SPECC1: variants seen among roughly 807,000 people sequenced by gnomAD.
SPECC1 encodes the protein cytospin-B.
In SPECC1, 62 loss-of-function variants were observed where a neutral mutation model predicts 104.1. The ratio of observed to expected loss-of-function variants is 0.60; its 90% CI spans 0.49 to 0.74. The LOEUF (loss-of-function observed/expected upper bound fraction) is 0.74. Among genes scored for constraint, SPECC1 ranks in the 30% least tolerant of loss-of-function variants. The probability of loss-of-function intolerance (pLI) is 0.00; values close to 1 mark genes in which losing one functional copy is unlikely to be tolerated. For synonymous variants in SPECC1, 513 were observed against 501.6 expected, an observed-to-expected ratio of 1.02 and a Z score of -0.30; for missense variants, 1,306 against 1,310.5, an observed-to-expected ratio of 1.00 and a Z score of 0.05.
At chr17:20,097,227 G>C (rs2047694306) in intron 2 of SPECC1, among the ~76,000 whole-genome samples, 1 of 152,106 alleles carries the variant, frequency 6.6e-6, no homozygotes, top group Non-Finnish European at 1.5e-5. Context: ...TTCTCCTCTG[G>C]TTTTCTCCTC....
intron 12 of SPECC1, among the ~76,000 whole-genome samples, chr17:20,273,123 A>G (rs918774080): frequency 2.0e-5 from 3 of 152,190 alleles, no homozygotes; most frequent in Non-Finnish European, 4.4e-5. Flanking sequence ...TTCTCCAGAG[A>G]AAGGCCTTCT....
chr17:20,111,707 G>A (rs776462543), intron 3 of SPECC1: 13 of 620,106 alleles, frequency 2.1e-5, no homozygotes, highest in African/African-American at 1.5e-4. Flanking sequence ...GGAAGGTGGC[G>A]AAAGGAGGCG....
At chr17:20,255,116 AT>A (rs2039777112) in intron 10 of SPECC1, among the ~76,000 whole-genome samples, 1 of 152,220 alleles carries the variant, frequency 6.6e-6, no homozygotes, top group African/African-American at 2.4e-5. Flanking sequence ...TGCTCGAGTA[AT>A]AGCTTTCTAA....
chr17:20,076,160 T>C (rs989654192), intron 1 of SPECC1, among the ~76,000 whole-genome samples: 1 of 152,206 alleles, frequency 6.6e-6, no homozygotes, highest in Admixed American at 6.5e-5. Context: ...CTAGATATTA[T>C]AGCATAAGGC....
intron 3 of SPECC1, among the ~76,000 whole-genome samples, chr17:20,184,181 CA>C (rs759475722): frequency 0.023 from 1,004 of 44,226 alleles, 5 homozygotes; most frequent in African/African-American, 0.051. Flanking sequence ...ACTCCTGTCT[CA>C]AAAAAAAAAA....
At chr17:20,063,268 TG>T (rs1394592511) in intron 1 of SPECC1, among the ~76,000 whole-genome samples, 1 of 152,214 alleles carries the variant, frequency 6.6e-6, no homozygotes, top group Non-Finnish European at 1.5e-5. Context: ...TCATATCCTT[TG>T]CCTTTTTTCT....
At chr17:20,260,599 G>A (rs1402277461) in intron 12 of SPECC1, among the ~76,000 whole-genome samples, 1 of 152,180 alleles carries the variant, frequency 6.6e-6, no homozygotes, top group Admixed American at 6.5e-5. Context: ...CTGGCCACAG[G>A]TTCTTGGGCT....
At chr17:20,202,240 G>A (rs958757001) in intron 3 of SPECC1, among the ~76,000 whole-genome samples, 1 of 152,098 alleles carries the variant, frequency 6.6e-6, no homozygotes, top group Non-Finnish European at 1.5e-5. Context: ...AGCATTGGGG[G>A]TAGCTGCTTG....
chr17:20,272,934 A>G (rs1249269493), intron 12 of SPECC1, among the ~76,000 whole-genome samples: 1 of 152,098 alleles, frequency 6.6e-6, no homozygotes, highest in Non-Finnish European at 1.5e-5. Context: ...TTCCATTGGT[A>G]TCTTTAGGTC....
chr17:20,271,335 C>A (rs1015361028), intron 12 of SPECC1, among the ~76,000 whole-genome samples: 8 of 151,680 alleles, frequency 5.3e-5, no homozygotes, highest in Non-Finnish European at 1.0e-4. Flanking sequence ...GGGTTTATTT[C>A]TTTTTCACTC....
At chr17:20,049,731 C>T (rs2045669167) in intron 1 of SPECC1, among the ~76,000 whole-genome samples, 1 of 152,086 alleles carries the variant, frequency 6.6e-6, no homozygotes, top group Admixed American at 6.6e-5. Flanking sequence ...ATATTATAGG[C>T]ATTCCCCATC....
At chr17:20,181,571 G>C (rs1325557724) in intron 3 of SPECC1, among the ~76,000 whole-genome samples, 2 of 152,032 alleles carry the variant, frequency 1.3e-5, no homozygotes, top group African/African-American at 4.8e-5. Flanking sequence ...AAGTATTATT[G>C]CTAGTATTTA....
At chr17:20,218,559 C>T (rs1421026328) in intron 4 of SPECC1, among the ~76,000 whole-genome samples, 1 of 152,132 alleles carries the variant, frequency 6.6e-6, no homozygotes, top group Non-Finnish European at 1.5e-5. Flanking sequence ...GGCTCTCTGG[C>T]TGTTTCCCAG....
intron 1 of SPECC1, among the ~76,000 whole-genome samples, chr17:20,022,727 G>C (rs1233044123): frequency 6.6e-6 from 1 of 152,164 alleles, no homozygotes; most frequent in Non-Finnish European, 1.5e-5. Context: ...TCATTCTCTT[G>C]ACCTCCTGGC....
At chr17:20,017,164 A>G (rs1379086937) in intron 1 of SPECC1, 4 of 152,336 alleles carry the variant, frequency 2.6e-5, no homozygotes, top group South Asian at 2.1e-4. Context: ...CTGCGGTCGC[A>G]TTCCGCGCTG....
At chr17:20,081,754 C>T (rs2046984763) in intron 1 of SPECC1, among the ~76,000 whole-genome samples, 2 of 152,082 alleles carry the variant, frequency 1.3e-5, no homozygotes, top group Admixed American at 1.3e-4. Flanking sequence ...GTGTTTGTTG[C>T]TCTGATCCGT....
At chr17:20,152,886 T>C (rs1424694295) in intron 3 of SPECC1, among the ~76,000 whole-genome samples, 1 of 152,118 alleles carries the variant, frequency 6.6e-6, no homozygotes, top group Non-Finnish European at 1.5e-5. Flanking sequence ...CAGATGGTCT[T>C]GATCTCTTGA....
intron 3 of SPECC1, among the ~76,000 whole-genome samples, chr17:20,116,320 C>T (rs2048753737): frequency 6.6e-6 from 1 of 152,078 alleles, no homozygotes. Context: ...GATCTCCTGA[C>T]CTCGTGATCC....
In SPECC1 at chr17:20,011,992, C is replaced by A. The variant is rs528980081; in HGVS notation, c.-22+2568C>A. On this transcript the variant is annotated intron_variant, in intron 1 of 14. Transcript: ENST00000395527. ...AATTACTTCAGCAATGATCAATTTT[C>A]TGTTTTTGTAATATCTGAAAATGCC... Among the ~76,000 whole-genome samples, 32 of 152,256 alleles carry A rather than the reference C, an allele frequency of 2.1e-4. No individual in the cohort carries two copies. In the South Asian group the frequency reaches 5.8e-3, roughly 28 times the overall value.
Sources: gnomAD v4.1 joint callset for allele counts (sites outside exome capture counted in the v4.1 genomes callset) on GRCh38, gnomAD v4.1.1 for gene constraint, MANE v1.5 for transcripts, NCBI Gene and HGNC (gene_info 2026-07-23, HGNC 2026-07-21) for gene names.